DMRT3: variants seen among roughly 807,000 people sequenced by gnomAD.
DMRT3 encodes doublesex- and mab-3-related transcription factor 3.
DMRT3 carries 29 observed loss-of-function variants against 34.9 expected under a neutral mutation model. That is an observed-to-expected ratio of 0.83 (90% CI 0.62 to 1.13). The LOEUF (loss-of-function observed/expected upper bound fraction) is 1.13. Ranked by LOEUF, DMRT3 falls within the 50% of genes most tolerant of loss-of-function variation. The probability of loss-of-function intolerance (pLI) is 0.00; values close to 1 mark genes in which losing one functional copy is unlikely to be tolerated. For missense variants in DMRT3, 772 were observed against 629.1 expected, an observed-to-expected ratio of 1.23 and a Z score of -2.43; for synonymous variants, 350 against 286.0, an observed-to-expected ratio of 1.22 and a Z score of -2.26.
chr9:989,344 C>T (rs1217799352), intron 1 of DMRT3, among the ~76,000 whole-genome samples: 4 of 152,186 alleles, frequency 2.6e-5, no homozygotes, highest in Non-Finnish European at 5.9e-5. Flanking sequence ...ATCCTGCCAT[C>T]CGGAATTCAT....
rs1820357609 is a variant in DMRT3 at position 991,015 on chromosome 9, G to A, written c.*10G>A. 2 of 1,596,984 alleles carry A rather than the reference G, an allele frequency of 1.3e-6. No individual in the cohort carries two copies. The highest frequency in any genetic ancestry group is 1.3e-5 in the African/African-American group (1 of 74,740). ...CAACACATCATCTTAAAGTGGTGCT[G>A]GATGGGTGGTGGCCAGGTGACATTT... is the stretch of plus-strand genomic sequence containing the variant. On this transcript the variant is annotated 3_prime_UTR_variant, in exon 2 of 2. Transcript: ENST00000190165.
chr9:977,096 G>A lies in DMRT3; in HGVS notation c.95G>A (p.Cys32Tyr). Reference sequence around the variant, plus strand: ...CAGCGCACGCCCAAGTGCGCGCGCTGCCGCAACCATGGCGTCCTGTCCTGG... The same window carrying A: ...CAGCGCACGCCCAAGTGCGCGCGCTACCGCAACCATGGCGTCCTGTCCTGG... ...PLQRTPKCAR[C>Y]RNHGVLSWLK... is the part of the protein sequence containing the mutation. Residue 32 changes from cysteine to tyrosine, a missense_variant, in exon 1 of 2, where the codon TGC becomes TAC. Physicochemically the swap from Cys to Tyr is radical, Grantham distance 194 (BLOSUM62 -2). Coordinates refer to ENST00000190165, the MANE Select transcript of DMRT3 (RefSeq NM_021240.4). 6.2e-7 allele frequency: 1 copy of A among 1,604,784 alleles called. No homozygotes were observed. Among genetic ancestry groups the A allele is most frequent in the Non-Finnish European group, 8.5e-7 (1 of 1,176,330 alleles).
At chr9:986,431 C>G (rs1000576992) in intron 1 of DMRT3, among the ~76,000 whole-genome samples, 6 of 151,848 alleles carry the variant, frequency 4.0e-5, no homozygotes, top group Non-Finnish European at 7.4e-5. Context: ...GCTGTTTGAT[C>G]CACTTTTTTT....
chr9:990,090 G>T lies in DMRT3; in HGVS notation c.504G>T (p.Glu168Asp). ...LGDGKSADNT[E>D]VFSDKDTDQR... ...ACGGCAAGTCGGCAGACAATACAGA[G>T]GTCTTCAGTGACAAAGACACTGACC... is the stretch of plus-strand genomic sequence containing the variant. Residue 168 changes from glutamate (E) to aspartate (D), a missense_variant, in exon 2 of 2, where the codon GAG (glutamate) becomes GAT (aspartate). Glu to Asp is a conservative substitution (Grantham distance 45). Transcript: ENST00000190165. 5 of 1,614,032 alleles carry T rather than the reference G, an allele frequency of 3.1e-6. No individual in the cohort carries two copies. The highest frequency in any genetic ancestry group is 4.2e-6 in the Non-Finnish European group (5 of 1,180,028).
In DMRT3 at chr9:982,537, C is replaced by G. The variant is rs144573187; in HGVS notation, c.454+5082C>G. Among the ~76,000 whole-genome samples the G allele has an allele frequency of 3.9e-5, 6 of 152,306 alleles. No homozygotes were observed. In the East Asian group the frequency reaches 1.2e-3, roughly 29 times the overall value. ...AATCGAATCTGATAGCAATAACTTT[C>G]GGAGAAGGTCAGGCTCAAGTGAAAT... On this transcript the variant is annotated intron_variant, in intron 1 of 1. Coordinates refer to ENST00000190165, the MANE Select transcript of DMRT3 (RefSeq NM_021240.4).
Position 990,357 on chromosome 9 carries a change from G to C in DMRT3, c.771G>C (p.Lys257Asn). The C allele has an allele frequency of 6.2e-7, 1 of 1,613,856 alleles. No homozygotes were observed. Among genetic ancestry groups the C allele is most frequent in the Non-Finnish European group, 8.5e-7 (1 of 1,180,014 alleles). The stretch of plus-strand genomic sequence containing the variant: ...GACCGCCGCTTGAAGTGTTAAAAAA[G>C]ATATTCCCCAACCAGAAGCCAACGG... ...ANRPPLEVLK[K>N]IFPNQKPTVL... is the part of the protein sequence containing the mutation. The change falls in exon 2 of 2, where the codon AAG (lysine) becomes AAC (asparagine). Residue 257 changes from lysine (K) to asparagine (N), a missense_variant. Transcript: ENST00000190165.
In DMRT3 at chr9:976,945, A is replaced by C. The variant is rs575946035; in HGVS notation, c.-57A>C. 3.6e-6 allele frequency: 5 copies of C among 1,390,306 alleles called. No homozygotes were observed. Among genetic ancestry groups the C allele is most frequent in the Non-Finnish European group, 4.7e-6 (5 of 1,068,988 alleles). 86.1% of individuals were successfully genotyped at this position (1,390,306 alleles called of 1,614,324 possible). A position where few individuals can be genotyped will look rare whatever the true frequency, so the allele number is the denominator to read the frequency against. ...AGCGGGCCTCGCAGCCCCGCCGTCC[A>C]GCGCTCCCTGGCCCTCTCCCGCAGC... On this transcript the variant is annotated 5_prime_UTR_variant, in exon 1 of 2. Transcript: ENST00000190165. The surrounding 1 kb of genome is among the most constrained non-coding windows in gnomAD (Gnocchi z 4.5).
rs562545767 is a variant in DMRT3 at position 982,079 on chromosome 9, C to T, written c.454+4624C>T. ...ATGGGACATACTTTCTCTAGAAAGC[C>T]TTCTTTGTTTATTTGATGGTCCCAC... On this transcript the variant is annotated intron_variant, in intron 1 of 1. Coordinates refer to ENST00000190165, the MANE Select transcript of DMRT3 (RefSeq NM_021240.4). Among the ~76,000 whole-genome samples the T allele has an allele frequency of 1.4e-4, 21 of 152,298 alleles. No homozygotes were observed. In the South Asian group the frequency reaches 4.3e-3, roughly 32 times the overall value.
Position 991,729 on chromosome 9 carries a change from C to T in DMRT3, c.*724C>T, listed in dbSNP as rs1820365951. ...TCTAGAAAAAAATAAACTAAGGAGA[C>T]GAGCGTGGTTTATGTCATTTCTACT... On this transcript the variant is annotated 3_prime_UTR_variant, in exon 2 of 2. Coordinates refer to ENST00000190165, the MANE Select transcript of DMRT3 (RefSeq NM_021240.4). The T allele has an allele frequency of 1.3e-5, 2 of 152,412 alleles. No homozygotes were observed. Among genetic ancestry groups the T allele is most frequent in the Admixed American group, 6.6e-5 (1 of 15,266 alleles). 9.4% of individuals were successfully genotyped at this position (152,412 alleles called of 1,614,324 possible). A position where few individuals can be genotyped will look rare whatever the true frequency, so the allele number is the denominator to read the frequency against.
At chr9:987,572 C>A (rs921548519) in intron 1 of DMRT3, among the ~76,000 whole-genome samples, 1 of 152,096 alleles carries the variant, frequency 6.6e-6, no homozygotes, top group Non-Finnish European at 1.5e-5. Context: ...ATATTTGAGG[C>A]TTAGCAAATG....
At chr9:985,093 C>G (rs1820268099) in intron 1 of DMRT3, among the ~76,000 whole-genome samples, 1 of 152,128 alleles carries the variant, frequency 6.6e-6, no homozygotes, top group African/African-American at 2.4e-5. Flanking sequence ...CCTCTTTACC[C>G]TAGTGCACAG....
chr9:980,607 T>C (rs1820204939), intron 1 of DMRT3, among the ~76,000 whole-genome samples: 1 of 151,948 alleles, frequency 6.6e-6, no homozygotes, highest in Admixed American at 6.6e-5. Flanking sequence ...TGTGTGTATA[T>C]ATATATGTAT....
At chr9:977,566 T>G in intron 1 of DMRT3, 111 bp downstream of exon 1, 1 of 1,011,242 alleles carries the variant, frequency 9.9e-7, no homozygotes. Context: ...CGTGGGCCTG[T>G]CGGGGCTTTC....
chr9:989,644 A>G (rs1015727560), intron 1 of DMRT3, among the ~76,000 whole-genome samples: 2 of 152,192 alleles, frequency 1.3e-5, no homozygotes, highest in Non-Finnish European at 2.9e-5. Context: ...GCAGAAGAGG[A>G]GCCGGAAGAC....
rs376074221 is a variant in DMRT3, at chr9:990,198, A to G, written c.612A>G (p.Gly204=). The G allele has an allele frequency of 7.0e-5, 113 of 1,613,948 alleles. 1 individual carries two copies. In the South Asian group the frequency reaches 1.2e-3, roughly 16 times the overall value. Residue 204 remains glycine, a synonymous_variant, in exon 2 of 2, where the codon GGA becomes GGG. Transcript: ENST00000190165. The part of the protein sequence containing the change: ...SPEIVSVEEG[G]YAVQKNGGNP... ...AGATAGTGTCCGTGGAGGAAGGGGG[A>G]TACGCTGTCCAGAAAAACGGAGGCA...
chr9:991,173 A>G lies in DMRT3; in HGVS notation c.*168A>G, dbSNP rs1820360063. ...AAACATAACTTATTTAACTTCTTGC[A>G]CTTCACTGGAAAATGCCAAATAGCT... is the stretch of plus-strand genomic sequence containing the variant. On this transcript the variant is annotated 3_prime_UTR_variant, in exon 2 of 2. Transcript: ENST00000190165. 1 of 901,594 alleles carries G rather than the reference A, an allele frequency of 1.1e-6. No homozygotes were observed. Among genetic ancestry groups the G allele is most frequent in the African/African-American group, 1.7e-5 (1 of 59,850 alleles). The allele number at this position is 901,594 out of a possible 1,614,324, so 55.8% of individuals were successfully genotyped here. A position where few individuals can be genotyped will look rare whatever the true frequency, so the allele number is the denominator to read the frequency against.
chr9:976,836 C>G lies in DMRT3; in HGVS notation c.-166C>G. On this transcript the variant is annotated 5_prime_UTR_variant, in exon 1 of 2. Transcript: ENST00000190165. The surrounding 1 kb of genome is among the most constrained non-coding windows in gnomAD (Gnocchi z 4.5). ...AGCGCGAAGGGAGCTGGAGAGACGACTGCGGCACCTCCGGCCGCCCCGGAG... is the reference window on the plus strand; with the variant it reads ...AGCGCGAAGGGAGCTGGAGAGACGAGTGCGGCACCTCCGGCCGCCCCGGAG... 2 of 595,276 alleles carry G rather than the reference C, an allele frequency of 3.4e-6. No homozygotes were observed. Among genetic ancestry groups the G allele is most frequent in the Non-Finnish European group, 5.1e-6 (2 of 392,472 alleles). The allele number at this position is 595,276 out of a possible 1,614,324, so 36.9% of individuals were successfully genotyped here. A position where few individuals can be genotyped will look rare whatever the true frequency, so the allele number is the denominator to read the frequency against.
chr9:991,658 G>A lies in DMRT3; in HGVS notation c.*653G>A, dbSNP rs568628242. 5.9e-5 allele frequency: 9 copies of A among 152,668 alleles called. No homozygotes were observed. The highest frequency in any genetic ancestry group is 1.7e-4 in the African/African-American group (7 of 41,534). 9.5% of individuals were successfully genotyped at this position (152,668 alleles called of 1,614,324 possible). ...AACTGCATGAAATGTATTGTGAAACGAACACAAGATTAAGCTTTGTCAGGT... is the reference window on the plus strand; with the variant it reads ...AACTGCATGAAATGTATTGTGAAACAAACACAAGATTAAGCTTTGTCAGGT... On this transcript the variant is annotated 3_prime_UTR_variant, in exon 2 of 2. Transcript: ENST00000190165.
chr9:986,995 T>A lies in DMRT3; in HGVS notation c.455-3046T>A, dbSNP rs567970785. On this transcript the variant is annotated intron_variant, in intron 1 of 1. Coordinates refer to ENST00000190165, the MANE Select transcript of DMRT3 (RefSeq NM_021240.4). ...CTCTTGCTTAAAAAAATCTCTTCAT[T>A]CTCTATATTACTATGACACTGTGTG... 2.6e-5 allele frequency among the ~76,000 whole-genome samples: 4 copies of A among 152,228 alleles called. No individual in the cohort carries two copies. In the East Asian group the frequency reaches 7.7e-4, roughly 29 times the overall value.
Sources: allele counts gnomAD v4.1 joint callset (sites outside exome capture counted in the v4.1 genomes callset), GRCh38; gene constraint gnomAD v4.1.1; non-coding constraint Gnocchi (gnomAD v3.1); transcripts MANE v1.5; gene names NCBI Gene and HGNC (gene_info 2026-07-23, HGNC 2026-07-21).